CFTR: variants seen among roughly 807,000 people sequenced by gnomAD.
CFTR encodes the protein cystic fibrosis transmembrane conductance regulator.
In CFTR, 181 loss-of-function variants were observed where a neutral mutation model predicts 171.6. The observed-to-expected ratio is 1.05, with a 90% CI of 0.93 to 1.19. The LOEUF (loss-of-function observed/expected upper bound fraction) is 1.19, where lower values mean the gene tolerates loss of function less well. CFTR is among the 50% of genes most tolerant of loss of function. The probability of loss-of-function intolerance (pLI) is 0.00; values close to 1 mark genes in which losing one functional copy is unlikely to be tolerated. For synonymous variants in CFTR, 583 were observed against 608.0 expected (o/e 0.96, Z 0.60); for missense variants, 1,968 against 1,734.7 (o/e 1.13, Z -2.39).
At chr7:117,512,511 G>T (rs908543850) in intron 3 of CFTR, among the ~76,000 whole-genome samples, 1 of 151,746 alleles carries the variant, frequency 6.6e-6, no homozygotes, top group Non-Finnish European at 1.5e-5. Context: ...GCGGGCACCT[G>T]TGGTCCCAGC....
intron 1 of CFTR, among the ~76,000 whole-genome samples, chr7:117,498,058 A>G (rs571353941): frequency 1.4e-4 from 22 of 152,262 alleles, no homozygotes; most frequent in East Asian, 7.7e-4. Flanking sequence ...TGGATTCATT[A>G]GGTACGAAGT....
At chr7:117,627,876 CAGT>C in intron 22 of CFTR, 106 bp downstream of exon 22, 1 of 1,161,620 alleles carries the variant, frequency 8.6e-7, no homozygotes. Context: ...TATTATTGTA[CAGT>C]AGAATCAATA....
intron 1 of CFTR, 145 bp from the exon 2 acceptor site, chr7:117,504,108 G>C (rs1448109488): frequency 1.0e-5 from 7 of 687,326 alleles, no homozygotes; most frequent in African/African-American, 1.8e-5. Context: ...GATGAAGCCT[G>C]GTATTTATAG....
At chr7:117,500,713 T>C (rs1434517377) in intron 1 of CFTR, among the ~76,000 whole-genome samples, 1 of 152,240 alleles carries the variant, frequency 6.6e-6, no homozygotes, top group Non-Finnish European at 1.5e-5. Flanking sequence ...TATCATAATT[T>C]ACCTTAAACC....
At position 117,668,506 on chromosome 7, in the gene CFTR, C is replaced by T. The variant is rs3181644; in HGVS notation, c.*1398C>T. ...GTATGATTCCCAGCCAGCACAGCCTCTTAGATGCAGTTCTGAAGAAGATGG... is the reference window on the plus strand; with the variant it reads ...GTATGATTCCCAGCCAGCACAGCCTTTTAGATGCAGTTCTGAAGAAGATGG... On this transcript the variant is annotated 3_prime_UTR_variant, in exon 27 of 27. Coordinates refer to ENST00000003084, the MANE Select transcript of CFTR (RefSeq NM_000492.4). The T allele has an allele frequency of 1.3e-5, 2 of 152,594 alleles. No individual in the cohort carries two copies. The highest frequency in any genetic ancestry group is 4.8e-5 in the African/African-American group (2 of 41,442). 9.5% of individuals were successfully genotyped at this position (152,594 alleles called of 1,614,324 possible).
intron 10 of CFTR, among the ~76,000 whole-genome samples, chr7:117,551,371 A>G (rs560961783): frequency 6.6e-6 from 1 of 152,372 alleles, no homozygotes; most frequent in Admixed American, 6.5e-5. Context: ...TCATAAAATC[A>G]TATGTATGTA....
At chr7:117,653,235 C>T (rs181137087) in intron 24 of CFTR, among the ~76,000 whole-genome samples, 1 of 152,138 alleles carries the variant, frequency 6.6e-6, no homozygotes, top group Non-Finnish European at 1.5e-5. Flanking sequence ...AAATACCTGG[C>T]GCGACAAGTA....
At chr7:117,503,044 G>C (rs1336880925) in intron 1 of CFTR, among the ~76,000 whole-genome samples, 2 of 152,190 alleles carry the variant, frequency 1.3e-5, no homozygotes, top group Non-Finnish European at 2.9e-5. Context: ...AGTGAGATTG[G>C]ATATGAGGGC....
chr7:117,609,322 A>G (rs1792346599), intron 18 of CFTR, among the ~76,000 whole-genome samples: 1 of 152,212 alleles, frequency 6.6e-6, no homozygotes, highest in South Asian at 2.1e-4. Context: ...AGAATGGGGA[A>G]TATAAACCTG....
rs1360066977 is a variant in CFTR, at chr7:117,649,512, TATA to T, written c.3874-3329_3874-3327del. Reference sequence around the variant, plus strand: ...GTGTGTGTGTGTATATATATATATATATATATATTTTTTTTTTCCTGAGCCAAA... The same window carrying T: ...GTGTGTGTGTGTATATATATATATATTATATTTTTTTTTTCCTGAGCCAAA... On this transcript the variant is annotated intron_variant, in intron 23 of 26. Transcript: ENST00000003084. 3.8e-3 allele frequency among the ~76,000 whole-genome samples: 510 copies of T among 132,738 alleles called. 3 individuals are homozygous for T. The highest frequency in any genetic ancestry group is 0.012 in the African/African-American group (418 of 34,568). 87.1% of individuals were successfully genotyped at this position (132,738 alleles called of 152,430 possible). A position where few individuals can be genotyped will look rare whatever the true frequency, so the allele number is the denominator to read the frequency against.
intron 10 of CFTR, among the ~76,000 whole-genome samples, chr7:117,557,397 T>G (rs1345164197): frequency 1.3e-5 from 2 of 152,150 alleles, no homozygotes; most frequent in African/African-American, 4.8e-5. Context: ...AATTCAGATA[T>G]TAAATGTACA....
intron 11 of CFTR, among the ~76,000 whole-genome samples, chr7:117,582,021 G>T (rs939200319): frequency 2.0e-5 from 3 of 152,100 alleles, no homozygotes; most frequent in Non-Finnish European, 2.9e-5. Flanking sequence ...CTCCCAAAGT[G>T]CCAGTATCAC....
At chr7:117,606,505 T>C (rs1313257883) in intron 17 of CFTR, among the ~76,000 whole-genome samples, 169 bp from the exon 18 acceptor site, 1 of 152,206 alleles carries the variant, frequency 6.6e-6, no homozygotes, top group Non-Finnish European at 1.5e-5. Context: ...CATAATTATT[T>C]AGAATGTTTG....
chr7:117,504,210 G>T, intron 1 of CFTR, 43 bp from the exon 2 acceptor site: 1 of 1,160,882 alleles, frequency 8.6e-7, no homozygotes, highest in Non-Finnish European at 1.3e-6. Context: ...TCTGTATGGA[G>T]ACCAAATCAA....
chr7:117,660,031 T>TC (rs974380177), intron 24 of CFTR, among the ~76,000 whole-genome samples: 2 of 85,488 alleles, frequency 2.3e-5, no homozygotes, highest in Non-Finnish European at 5.2e-5. Context: ...CTCTTAGACA[T>TC]TTTTTTTTTT....
chr7:117,532,011 A>G lies in CFTR; in HGVS notation c.489+897A>G, dbSNP rs190309852. 4.7e-4 allele frequency among the ~76,000 whole-genome samples: 72 copies of G among 152,134 alleles called. 1 individual carries two copies. The Middle Eastern group carries it at 0.01, about 22-fold the overall frequency. On this transcript the variant is annotated intron_variant, in intron 4 of 26. Transcript: ENST00000003084. ...CTTCTAAGATATACCTGCAAGGTCA[A>G]TTGTGTTGTAAAACCTTGATAACCA...
chr7:117,614,599 T>C lies in CFTR; in HGVS notation c.3368-14T>C. The C allele has an allele frequency of 1.9e-6, 3 of 1,544,928 alleles. No individual in the cohort carries two copies. Among genetic ancestry groups the C allele is most frequent in the Non-Finnish European group, 2.7e-6 (3 of 1,117,424 alleles). On this transcript the variant is annotated splice_polypyrimidine_tract_variant and intron_variant, in intron 20 of 26. Coordinates refer to ENST00000003084, the MANE Select transcript of CFTR (RefSeq NM_000492.4). The stretch of plus-strand genomic sequence containing the variant: ...ATAACATGAGGTTCATTTACGTCTT[T>C]TGTGCATCTATAGGAGAAGGAGAAG...
At chr7:117,606,361 G>A (rs551060029) in intron 17 of CFTR, among the ~76,000 whole-genome samples, 112 of 152,292 alleles carry the variant, frequency 7.4e-4, no homozygotes, top group South Asian at 1.5e-3. Context: ...AGATTGTAAA[G>A]CAGGATGAGT....
intron 1 of CFTR, among the ~76,000 whole-genome samples, chr7:117,492,425 C>G (rs555165157): frequency 6.6e-6 from 1 of 151,940 alleles, no homozygotes. Context: ...TCAGTGTCAT[C>G]ATGTGGGCTC....
Sources: gnomAD v4.1 joint callset for allele counts (sites outside exome capture counted in the v4.1 genomes callset) on GRCh38, gnomAD v4.1.1 for gene constraint, MANE v1.5 for transcripts, NCBI Gene and HGNC (gene_info 2026-07-23, HGNC 2026-07-21) for gene names.